Variants in VWF observed in about 807,000 individuals in gnomAD.
VWF encodes Factor VIII related antigen.
VWF carries 176 observed loss-of-function variants against 308.6 expected under a neutral mutation model. That is an observed-to-expected ratio of 0.57 (90% CI 0.50 to 0.65). The LOEUF is 0.65. VWF is among the 30% of genes least tolerant of loss of function. The pLI is 0.00. For missense variants in VWF, 3,146 were observed against 3,648.2 expected (o/e 0.86, Z 3.55); for synonymous variants, 1,385 against 1,443.4 (o/e 0.96, Z 0.92).
chr12:6,001,126 A>C (rs1943868781), intron 34 of VWF, among the ~76,000 whole-genome samples: 1 of 152,192 alleles, frequency 6.6e-6, no homozygotes, highest in African/African-American at 2.4e-5. Context: ...TGAATGCTTA[A>C]ATTTAAAAAT....
intron 34 of VWF, among the ~76,000 whole-genome samples, chr12:6,011,008 T>C (rs1319390866): frequency 2.0e-5 from 3 of 152,216 alleles, no homozygotes; most frequent in Non-Finnish European, 4.4e-5. Context: ...GAATGAGCTA[T>C]AAATACAGTT....
chr12:6,108,110 A>G (rs1307340693), intron 5 of VWF, among the ~76,000 whole-genome samples: 2 of 151,944 alleles, frequency 1.3e-5, no homozygotes, highest in Non-Finnish European at 1.5e-5. Context: ...CCTGGCCAAC[A>G]TGCTGAAACC....
At chr12:6,017,751 G>A (rs764702037) in intron 28 of VWF, among the ~76,000 whole-genome samples, 6 of 152,186 alleles carry the variant, frequency 3.9e-5, no homozygotes, top group Non-Finnish European at 5.9e-5. Context: ...AAGAGGTTAA[G>A]TATTTGCCTC....
intron 6 of VWF, among the ~76,000 whole-genome samples, chr12:6,093,868 G>A (rs1027209541): frequency 6.6e-6 from 1 of 152,222 alleles, no homozygotes; most frequent in Non-Finnish European, 1.5e-5. Context: ...TCTCTCCAGT[G>A]TGAGGTCCTG....
chr12:6,054,834 C>A (rs918168889), intron 15 of VWF, among the ~76,000 whole-genome samples: 1 of 152,226 alleles, frequency 6.6e-6, no homozygotes, highest in African/African-American at 2.4e-5. Flanking sequence ...CTGTTCATTT[C>A]TCTGGAAGAG....
Position 5,994,523 on chromosome 12 carries a change from C to T in VWF, c.6148G>A (p.Val2050Ile), listed in dbSNP as rs763665546. Reference sequence around the variant, plus strand: ...ATGTGACCAAGGTGATTGAATCTGACCTCATGCATGATGGCACCATAAACG... The same window carrying T: ...ATGTGACCAAGGTGATTGAATCTGATCTCATGCATGATGGCACCATAAACG... ...VNVYGAIMHE[V>I]RFNHLGHIFT... The change falls in exon 36 of 52, where the codon GTC (valine) becomes ATC (isoleucine). Residue 2050 changes from valine (V) to isoleucine (I), a missense_variant. Val to Ile is a conservative substitution (Grantham distance 29). Around this residue, in one of 3 missense-constraint regions of VWF, gnomAD observed 989 missense variants for 1,117.4 expected, o/e 0.89. Transcript: ENST00000261405. 4 of 1,614,048 alleles carry T rather than the reference C, an allele frequency of 2.5e-6. No individual in the cohort carries two copies. Among genetic ancestry groups the T allele is most frequent in the Non-Finnish European group, 3.4e-6 (4 of 1,179,942 alleles).
chr12:6,006,196 T>A (rs779870707), intron 34 of VWF, among the ~76,000 whole-genome samples: 2 of 152,174 alleles, frequency 1.3e-5, no homozygotes, highest in African/African-American at 2.4e-5. Flanking sequence ...CTGTTATAAG[T>A]ATAGGCTGTT....
chr12:6,066,085 C>T (rs932163620), intron 10 of VWF, among the ~76,000 whole-genome samples: 3 of 152,224 alleles, frequency 2.0e-5, no homozygotes, highest in African/African-American at 7.2e-5. Context: ...CCCTTCATCA[C>T]CCTGCAACCC....
At chr12:6,013,139 T>C (rs1263937697) in intron 32 of VWF, among the ~76,000 whole-genome samples, 7 of 152,230 alleles carry the variant, frequency 4.6e-5, no homozygotes, top group African/African-American at 1.7e-4. Context: ...AAGAAGACTA[T>C]ACCTACGGAA....
At chr12:6,025,543 G>A in intron 24 of VWF, 37 bp downstream of exon 24, 8 of 1,507,428 alleles carry the variant, frequency 5.3e-6, no homozygotes, top group Non-Finnish European at 7.4e-6. Flanking sequence ...GCCAAGCCTT[G>A]GGACCGTCTG....
chr12:6,031,158 G>A (rs1944257265), intron 21 of VWF, among the ~76,000 whole-genome samples: 1 of 152,072 alleles, frequency 6.6e-6, no homozygotes, highest in South Asian at 2.1e-4. Flanking sequence ...CCCTACTCTA[G>A]AGGTGAGCAC....
At chr12:5,962,561 T>TTTTGG (rs1943331728) in intron 47 of VWF, among the ~76,000 whole-genome samples, 1 of 143,400 alleles carries the variant, frequency 7.0e-6, no homozygotes, top group Non-Finnish European at 1.5e-5. Context: ...TTTTTTTTTT[T>TTTTGG]GAGACAGAGT....
chr12:6,086,948 A>G (rs918551321), intron 6 of VWF, among the ~76,000 whole-genome samples: 1 of 152,184 alleles, frequency 6.6e-6, no homozygotes. Context: ...TCTGGGAGGA[A>G]GAGGAATCAC....
At chr12:6,016,295 C>T (rs539229468) in intron 30 of VWF, 63 bp from the exon 31 acceptor site, 124 of 1,610,372 alleles carry the variant, frequency 7.7e-5, no homozygotes, top group Admixed American at 1.0e-4. Context: ...CCTGTCTTAA[C>T]GGTGGATCCT....
At chr12:6,014,976 C>T (rs1944040352) in intron 31 of VWF, among the ~76,000 whole-genome samples, 1 of 152,212 alleles carries the variant, frequency 6.6e-6, no homozygotes, top group Non-Finnish European at 1.5e-5. Context: ...GAAAAAATCT[C>T]CATCCTGAAA....
chr12:6,095,739 C>T (rs1271685164), intron 5 of VWF, 155 bp from the exon 6 acceptor site: 42 of 979,574 alleles, frequency 4.3e-5, no homozygotes, highest in East Asian at 8.1e-5. Context: ...TGGAGTGCAG[C>T]GGCTATTCAC....
At chr12:6,098,485 T>C (rs1945127516) in intron 5 of VWF, among the ~76,000 whole-genome samples, 1 of 152,094 alleles carries the variant, frequency 6.6e-6, no homozygotes, top group Non-Finnish European at 1.5e-5. Context: ...GTATAAGAAA[T>C]TTCAAAAGAC....
At position 6,073,893 on chromosome 12, in the gene VWF, G is replaced by A. The variant is rs533633850; in HGVS notation, c.875-152C>T. 9.1e-5 allele frequency: 112 copies of A among 1,224,926 alleles called. No individual in the cohort carries two copies. In the African/African-American group the frequency reaches 1.5e-3, roughly 16 times the overall value. The allele number at this position is 1,224,926 out of a possible 1,614,324, so 75.9% of individuals were successfully genotyped here. A position where few individuals can be genotyped will look rare whatever the true frequency, so the allele number is the denominator to read the frequency against. ...GTCCTTCTCACCCCCAGTGAGCCAC[G>A]TGCCCCCCTGAGGCCACCCCTCCCT... On this transcript the variant is annotated intron_variant, in intron 7 of 51. Transcript: ENST00000261405.
In VWF at chr12:5,952,518, C is replaced by A. The variant is rs149834874; in HGVS notation, c.7988G>T (p.Arg2663Leu). 4 of 1,613,616 alleles carry A rather than the reference C, an allele frequency of 2.5e-6. No homozygotes were observed. Among genetic ancestry groups the A allele is most frequent in the Non-Finnish European group, 3.4e-6 (4 of 1,179,698 alleles). The change falls in exon 49 of 52, where the codon CGT (arginine) becomes CTT (leucine). Residue 2663 changes from arginine to leucine, a missense_variant and splice_region_variant. Coordinates refer to ENST00000261405, the MANE Select transcript of VWF (RefSeq NM_000552.5). ...LRGGQIMTLK[R>L]DETLQDGCDT... ...ACAGCCATCCTGGAGCGTCTCATCA[C>A]GCTGGAAGGAAAGAGGAGTGGGTAA...
Sources: gnomAD v4.1 joint callset for allele counts (sites outside exome capture counted in the v4.1 genomes callset) on GRCh38, gnomAD v4.1.1 for gene constraint, gnomAD v4.1.1 regional missense constraint, MANE v1.5 for transcripts, NCBI Gene and HGNC (gene_info 2026-07-23, HGNC 2026-07-21) for gene names.